The following MAP3K4 variants were observed in gnomAD, a reference collection of about 807,000 sequenced individuals.
MAP3K4 encodes the protein mitogen-activated protein kinase kinase kinase 4.
In MAP3K4, 67 loss-of-function variants were observed where a neutral mutation model predicts 185.6. The ratio of observed to expected loss-of-function variants is 0.36; its 90% CI spans 0.30 to 0.44. The LOEUF is 0.44. Ranked by LOEUF, MAP3K4 falls within the 20% of genes least tolerant of loss-of-function variation. The probability of loss-of-function intolerance (pLI) is 1.00; values close to 1 mark genes in which losing one functional copy is unlikely to be tolerated. For synonymous variants in MAP3K4, 702 were observed against 710.4 expected, an observed-to-expected ratio of 0.99 and a Z score of 0.19; for missense variants, 1,551 against 1,995.1, an observed-to-expected ratio of 0.78 and a Z score of 4.24.
chr6:161,116,116 G>T lies in MAP3K4; in HGVS notation c.4807-734G>T, dbSNP rs545180695. On this transcript the variant is annotated intron_variant, in intron 26 of 26. Transcript: ENST00000392142. This position sits in a 1 kb window ranked among gnomAD's most constrained non-coding sequence, Gnocchi z 6.2. ...ATTGGATGTGAAAGGTGAGTGAGGG[G>T]AGGAGTCTAGAGTGGCTCCCAGGTT... Among the ~76,000 whole-genome samples the T allele has an allele frequency of 3.3e-5, 5 of 152,182 alleles. No individual in the cohort carries two copies. The highest frequency in any genetic ancestry group is 9.6e-5 in the African/African-American group (4 of 41,534).
At position 161,087,665 on chromosome 6, in the gene MAP3K4, A is replaced by G; in HGVS notation, c.2557-23A>G. 1 of 1,612,306 alleles carries G rather than the reference A, an allele frequency of 6.2e-7. No individual in the cohort carries two copies. Among genetic ancestry groups the G allele is most frequent in the Non-Finnish European group, 8.5e-7 (1 of 1,179,618 alleles). The stretch of plus-strand genomic sequence containing the variant: ...TCTCTAATGTACAGTGTTCCTTAAG[A>G]TTTTGGATTATGTCTTTTGCAGGTG... On this transcript the variant is annotated intron_variant, in intron 9 of 26. Coordinates refer to ENST00000392142, the MANE Select transcript of MAP3K4 (RefSeq NM_005922.4). This position sits in a 1 kb window ranked among gnomAD's most constrained non-coding sequence, Gnocchi z 4.9.
At chr6:161,015,126 G>T (rs890657351) in intron 1 of MAP3K4, among the ~76,000 whole-genome samples, 2 of 152,164 alleles carry the variant, frequency 1.3e-5, no homozygotes, top group Non-Finnish European at 2.9e-5. Context: ...TCTCTTTAAT[G>T]TGTATCTTTG....
At chr6:160,998,375 G>A (rs1309699780) in intron 1 of MAP3K4, among the ~76,000 whole-genome samples, 3 of 152,186 alleles carry the variant, frequency 2.0e-5, no homozygotes, top group South Asian at 2.1e-4. Flanking sequence ...TATGATGAAC[G>A]TGTTACACAT....
rs1783253173 is a variant in MAP3K4, at chr6:161,037,902, T to G, written c.343+3453T>G. ...CTACTGTTCCTGCTTCTGTCCTGCC[T>G]GGACTACACATTTCCTTGTATGTCT... is the stretch of plus-strand genomic sequence containing the variant. On this transcript the variant is annotated intron_variant, in intron 2 of 26. Coordinates refer to ENST00000392142, the MANE Select transcript of MAP3K4 (RefSeq NM_005922.4). The surrounding 1 kb of genome is among the most constrained non-coding windows in gnomAD (Gnocchi z 4.2). Among the ~76,000 whole-genome samples the G allele has an allele frequency of 6.6e-6, 1 of 152,218 alleles. No individual in the cohort carries two copies. Among genetic ancestry groups the G allele is most frequent in the Admixed American group, 6.5e-5 (1 of 15,280 alleles).
chr6:161,112,114 A>T lies in MAP3K4; in HGVS notation c.4519+156A>T, dbSNP rs182907377. Reference sequence around the variant, plus strand: ...CACTTCCTCACACACTTGGGCTCCCACGCAAGAGCAGCTGTCACATTGGTG... The same window carrying T: ...CACTTCCTCACACACTTGGGCTCCCTCGCAAGAGCAGCTGTCACATTGGTG... On this transcript the variant is annotated intron_variant, in intron 24 of 26. Transcript: ENST00000392142. The surrounding 1 kb of genome is among the most constrained non-coding windows in gnomAD (Gnocchi z 5.1). Among the ~76,000 whole-genome samples the T allele has an allele frequency of 6.6e-6, 1 of 152,314 alleles. No homozygotes were observed. Among genetic ancestry groups the T allele is most frequent in the East Asian group, 1.9e-4 (1 of 5,188 alleles).
intron 3 of MAP3K4, among the ~76,000 whole-genome samples, chr6:161,065,371 A>T (rs1784660007): frequency 6.6e-6 from 1 of 152,192 alleles, no homozygotes; most frequent in Admixed American, 6.5e-5. Flanking sequence ...TGTGCTCTTC[A>T]CTGGAATAAG....
Position 161,112,267 on chromosome 6 carries a change from T to C in MAP3K4, c.4519+309T>C, listed in dbSNP as rs9456623. Among the ~76,000 whole-genome samples the C allele has an allele frequency of 9.4e-3, 1,430 of 152,312 alleles. 25 individuals are homozygous for C. The highest frequency in any genetic ancestry group is 0.033 in the African/African-American group (1,383 of 41,566). ...TGTAGACATTGTTTGTGCTCTGTAA[T>C]GTGGCTTACCCCGAATCACTCAGCA... On this transcript the variant is annotated intron_variant, in intron 24 of 26. Coordinates refer to ENST00000392142, the MANE Select transcript of MAP3K4 (RefSeq NM_005922.4). This position sits in a 1 kb window ranked among gnomAD's most constrained non-coding sequence, Gnocchi z 5.1.
rs1045036584 is a variant in MAP3K4 at position 161,115,053 on chromosome 6, A to C, written c.4627-70A>C. On this transcript the variant is annotated intron_variant, in intron 25 of 26. Transcript: ENST00000392142. The surrounding 1 kb of genome is among the most constrained non-coding windows in gnomAD (Gnocchi z 6.0). Reference sequence around the variant, plus strand: ...TATTAATGATGAGATGCTTAAAAACAGACTGAACATTTGCGTTGTTTGTGG... The same window carrying C: ...TATTAATGATGAGATGCTTAAAAACCGACTGAACATTTGCGTTGTTTGTGG... 7.3e-7 allele frequency: 1 copy of C among 1,371,812 alleles called. No individual in the cohort carries two copies. The highest frequency in any genetic ancestry group is 1.4e-5 in the African/African-American group (1 of 69,082). 85.0% of individuals were successfully genotyped at this position (1,371,812 alleles called of 1,614,324 possible).
At chr6:161,025,117 C>A (rs1782581775) in intron 1 of MAP3K4, among the ~76,000 whole-genome samples, 1 of 152,294 alleles carries the variant, frequency 6.6e-6, no homozygotes, top group East Asian at 1.9e-4. Flanking sequence ...GAGTGTCCCA[C>A]CTTCGGCCAA....
At chr6:160,992,159 GC>G in intron 1 of MAP3K4, 76 bp downstream of exon 1, 1 of 1,423,210 alleles carries the variant, frequency 7.0e-7, no homozygotes, top group Non-Finnish European at 9.1e-7. Context: ...GGGCCCGAGG[GC>G]CTCTGCTTCC....
chr6:161,080,487 G>A lies in MAP3K4; in HGVS notation c.2098-394G>A, dbSNP rs1019541705. On this transcript the variant is annotated intron_variant, in intron 5 of 26. Coordinates refer to ENST00000392142, the MANE Select transcript of MAP3K4 (RefSeq NM_005922.4). The surrounding 1 kb of genome is among the most constrained non-coding windows in gnomAD (Gnocchi z 4.8). ...TTGACGTCCTCCTCTCTGCACATAA[G>A]GCACCATTTCAAGCTAAAGTAGGTC... is the stretch of plus-strand genomic sequence containing the variant. Among the ~76,000 whole-genome samples the A allele has an allele frequency of 6.6e-6, 1 of 152,154 alleles. No individual in the cohort carries two copies. The highest frequency in any genetic ancestry group is 2.4e-5 in the African/African-American group (1 of 41,426).
intron 13 of MAP3K4, 115 bp from the exon 14 acceptor site, chr6:161,092,862 AG>A (rs1777388579): frequency 1.8e-6 from 1 of 549,842 alleles, no homozygotes; most frequent in African/African-American, 2.0e-5. Flanking sequence ...AGCAAAAAAA[AG>A]TGTCTTGTCC....
intron 3 of MAP3K4, among the ~76,000 whole-genome samples, chr6:161,059,239 G>A (rs768384017): frequency 2.6e-5 from 4 of 152,088 alleles, no homozygotes; most frequent in Non-Finnish European, 2.9e-5. Flanking sequence ...AAGTTCCAGC[G>A]ATTCTCATGC....
rs1392640523 is a variant in MAP3K4, at chr6:161,054,671, T to C, written c.1707+4692T>C. Among the ~76,000 whole-genome samples the C allele has an allele frequency of 6.6e-6, 1 of 152,244 alleles. No homozygotes were observed. Among genetic ancestry groups the C allele is most frequent in the Non-Finnish European group, 1.5e-5 (1 of 68,048 alleles). On this transcript the variant is annotated intron_variant, in intron 3 of 26. Transcript: ENST00000392142. This position sits in a 1 kb window ranked among gnomAD's most constrained non-coding sequence, Gnocchi z 4.2. ...CATTTCTAGTTACATAGGCAGTCTC[T>C]AATTGAAACAAATGGATTAGTTTCC...
rs1479418274 is a variant in MAP3K4 at position 161,111,766 on chromosome 6, T to C, written c.4397-70T>C. ...CTTGTGAATGAAGTTCCTGGTCGTT[T>C]AGATTACCATGTAACCTTGCCCACA... On this transcript the variant is annotated intron_variant, in intron 23 of 26. Coordinates refer to ENST00000392142, the MANE Select transcript of MAP3K4 (RefSeq NM_005922.4). 4.1e-6 allele frequency: 6 copies of C among 1,473,498 alleles called. No individual in the cohort carries two copies. In the Admixed American group the frequency reaches 9.3e-5, roughly 23 times the overall value. 91.3% of individuals were successfully genotyped at this position (1,473,498 alleles called of 1,614,324 possible).
chr6:161,026,951 GTCTCTTTATATATATTTGTTT>G, intron 1 of MAP3K4, among the ~76,000 whole-genome samples: 1 of 151,700 alleles, frequency 6.6e-6, no homozygotes, highest in African/African-American at 2.4e-5. Flanking sequence ...GGGCTAATTC[GTCTCTTTATATATATTTGTTT>G]TCTATCTTTA....
rs1303776780 is a variant in MAP3K4 at position 161,109,125 on chromosome 6, C to G, written c.4236+266C>G. The G allele has an allele frequency of 2.2e-5, 20 of 894,234 alleles. No homozygotes were observed. The highest frequency in any genetic ancestry group is 3.3e-5 in the Non-Finnish European group (19 of 582,964). The allele number at this position is 894,234 out of a possible 1,614,324, so 55.4% of individuals were successfully genotyped here. ...CATTCAGAAGATTCTTCTAAAACGCCCCTTACACCACTTCTTGTGACTTTT... is the reference window on the plus strand; with the variant it reads ...CATTCAGAAGATTCTTCTAAAACGCGCCTTACACCACTTCTTGTGACTTTT... On this transcript the variant is annotated intron_variant, in intron 22 of 26. Transcript: ENST00000392142. The surrounding 1 kb of genome is among the most constrained non-coding windows in gnomAD (Gnocchi z 5.7).
intron 1 of MAP3K4, among the ~76,000 whole-genome samples, chr6:161,020,501 T>C (rs776816674): frequency 2.6e-5 from 4 of 151,918 alleles, no homozygotes; most frequent in Non-Finnish European, 5.9e-5. Context: ...CTACTAAAAA[T>C]ACAAATATTA....
At position 161,110,860 on chromosome 6, in the gene MAP3K4, G is replaced by A. The variant is rs752969340; in HGVS notation, c.4396+946G>A. Among the ~76,000 whole-genome samples, 3 of 152,146 alleles carry A rather than the reference G, an allele frequency of 2.0e-5. No homozygotes were observed. Among genetic ancestry groups the A allele is most frequent in the Non-Finnish European group, 4.4e-5 (3 of 68,032 alleles). ...GGCTTAACTGGCTCTGTACCAGGCC[G>A]TAGCACTGCCTATTTCTAGTCGTTC... On this transcript the variant is annotated intron_variant, in intron 23 of 26. Transcript: ENST00000392142. This position sits in a 1 kb window ranked among gnomAD's most constrained non-coding sequence, Gnocchi z 4.8.
Sources: gnomAD v4.1 joint callset for allele counts (sites outside exome capture counted in the v4.1 genomes callset) on GRCh38, gnomAD v4.1.1 for gene constraint, Gnocchi (gnomAD v3.1) non-coding constraint, MANE v1.5 for transcripts, NCBI Gene and HGNC (gene_info 2026-07-23, HGNC 2026-07-21) for gene names.